The following CEP83 variants were observed in gnomAD, a reference collection of about 807,000 sequenced individuals.
CEP83 encodes the protein centrosomal protein 83.
Under a neutral mutation model 101.9 loss-of-function variants are expected in CEP83, and 70 were observed. The ratio of observed to expected loss-of-function variants is 0.69; its 90% confidence interval spans 0.57 to 0.84. The LOEUF is 0.84. Ranked by LOEUF, CEP83 falls within the 40% of genes least tolerant of loss-of-function variation. CEP83 has a pLI of 0.00. For missense variants in CEP83, 715 were observed against 787.2 expected, an observed-to-expected ratio of 0.91 and a Z score of 1.10; for synonymous variants, 264 against 267.9, an observed-to-expected ratio of 0.99 and a Z score of 0.14.
chr12:94,395,165 T>A (rs953548619), intron 6 of CEP83, among the ~76,000 whole-genome samples: 3 of 150,274 alleles, frequency 2.0e-5, no homozygotes, highest in African/African-American at 7.3e-5. Context: ...TAAAGACACA[T>A]CACACACTGG....
At chr12:94,405,461 C>A (rs975917242) in intron 4 of CEP83, among the ~76,000 whole-genome samples, 2 of 152,132 alleles carry the variant, frequency 1.3e-5, no homozygotes, top group African/African-American at 4.8e-5. Flanking sequence ...GTAGATAAAA[C>A]AAGCCTGGCT....
chr12:94,339,758 A>C (rs1446441014), intron 11 of CEP83, among the ~76,000 whole-genome samples: 1 of 152,208 alleles, frequency 6.6e-6, no homozygotes, highest in Non-Finnish European at 1.5e-5. Flanking sequence ...GCTTGTGAGC[A>C]CTGGAAATTG....
chr12:94,273,406 C>T, the CEP83 span, among the ~76,000 whole-genome samples: 1 of 152,058 alleles, frequency 6.6e-6, no homozygotes, highest in Non-Finnish European at 1.5e-5. Context: ...AAGCTTCCTG[C>T]TCACCAGTCT....
At chr12:94,405,442 G>A (rs2063480456) in intron 4 of CEP83, among the ~76,000 whole-genome samples, 1 of 152,166 alleles carries the variant, frequency 6.6e-6, no homozygotes, top group African/African-American at 2.4e-5. Flanking sequence ...AAGTGGGTGG[G>A]AGAAAGTAGT....
intron 6 of CEP83, among the ~76,000 whole-genome samples, chr12:94,379,458 T>C (rs143423433): frequency 2.0e-5 from 3 of 152,316 alleles, no homozygotes; most frequent in Admixed American, 6.5e-5. Flanking sequence ...AAATTATCTA[T>C]GTCAGGGCAA....
In CEP83 at chr12:94,362,205, C is replaced by CT. The variant is rs1339063590; in HGVS notation, c.1343+5588dup. Among the ~76,000 whole-genome samples the CT allele has an allele frequency of 8.5e-5, 13 of 152,208 alleles. No homozygotes were observed. In the East Asian group the frequency reaches 2.5e-3, roughly 29 times the overall value. On this transcript the variant is annotated intron_variant, in intron 11 of 16. Coordinates refer to ENST00000397809, the MANE Select transcript of CEP83 (RefSeq NM_016122.3). ...GATTTCATCTCACCAGCTAGAATGC[C>CT]TGTCAAAAAGACAAAACAAATGTTG...
At chr12:94,270,533 T>C in the CEP83 span, among the ~76,000 whole-genome samples, 1 of 152,158 alleles carries the variant, frequency 6.6e-6, no homozygotes. Flanking sequence ...GGAAATGCCT[T>C]GCCACTATTT....
chr12:94,369,567 C>T lies in CEP83; in HGVS notation c.1048+355G>A, dbSNP rs538537887. The T allele has an allele frequency of 2.0e-3, 328 of 162,358 alleles. 2 individuals are homozygous for T. The highest frequency in any genetic ancestry group is 7.6e-3 in the African/African-American group (317 of 41,894). The allele number at this position is 162,358 out of a possible 1,614,324, so 10.1% of individuals were successfully genotyped here. A position where few individuals can be genotyped will look rare whatever the true frequency, so the allele number is the denominator to read the frequency against. On this transcript the variant is annotated intron_variant, in intron 9 of 16. Transcript: ENST00000397809. ...TCTTTTTAATTGAAAAAAATTAAGC[C>T]TGGAACCCAATTATCTTCCTCACAT... is the stretch of plus-strand genomic sequence containing the variant.
chr12:94,418,342 C>T (rs1198164806), intron 2 of CEP83, among the ~76,000 whole-genome samples: 1 of 152,072 alleles, frequency 6.6e-6, no homozygotes, highest in Non-Finnish European at 1.5e-5. Flanking sequence ...GCCTGGGTGA[C>T]AGACTGAGAC....
chr12:94,432,694 A>T (rs965995255), intron 2 of CEP83, among the ~76,000 whole-genome samples: 1 of 152,220 alleles, frequency 6.6e-6, no homozygotes, highest in Admixed American at 6.5e-5. Flanking sequence ...AGTACAGTTA[A>T]TAATTAATTT....
the CEP83 span, among the ~76,000 whole-genome samples, chr12:94,301,211 CTG>C: frequency 6.6e-5 from 10 of 152,210 alleles, no homozygotes; most frequent in Admixed American, 2.0e-4. Flanking sequence ...TATTTAAAAT[CTG>C]TCTCATTATT....
At chr12:94,403,060 T>A in intron 5 of CEP83, 110 bp downstream of exon 5, 2 of 602,648 alleles carry the variant, frequency 3.3e-6, no homozygotes. Flanking sequence ...CTGCAATGAC[T>A]GAGTAAAAGG....
At chr12:94,366,110 T>G (rs914123900) in intron 11 of CEP83, among the ~76,000 whole-genome samples, 1 of 152,114 alleles carries the variant, frequency 6.6e-6, no homozygotes, top group African/African-American at 2.4e-5. Context: ...AAGTGGCATT[T>G]TTTTGAAGGT....
intron 6 of CEP83, among the ~76,000 whole-genome samples, chr12:94,388,090 G>T (rs1271026499): frequency 6.6e-6 from 1 of 152,174 alleles, no homozygotes; most frequent in Non-Finnish European, 1.5e-5. Flanking sequence ...TATACTGAAA[G>T]GAGAGTAAAT....
At chr12:94,374,272 G>C (rs10777590) in intron 8 of CEP83, among the ~76,000 whole-genome samples, 8 of 151,830 alleles carry the variant, frequency 5.3e-5, no homozygotes, top group Admixed American at 2.0e-4. Flanking sequence ...ATACTTGGTG[G>C]CCCCCCCAAG....
chr12:94,411,688 T>G lies in CEP83; in HGVS notation c.324+9A>C. ...TATACTAACTCAAAACTCAAATATATTTTCTCACCTGCAGTTTCATTTCTT... is the reference window on the plus strand; with the variant it reads ...TATACTAACTCAAAACTCAAATATAGTTTCTCACCTGCAGTTTCATTTCTT... On this transcript the variant is annotated intron_variant, in intron 4 of 16. Coordinates refer to ENST00000397809, the MANE Select transcript of CEP83 (RefSeq NM_016122.3). The G allele has an allele frequency of 6.3e-7, 1 of 1,586,312 alleles. No homozygotes were observed. Among genetic ancestry groups the G allele is most frequent in the Non-Finnish European group, 8.6e-7 (1 of 1,167,398 alleles).
At chr12:94,393,134 G>A (rs113121678) in intron 6 of CEP83, among the ~76,000 whole-genome samples, 1 of 152,184 alleles carries the variant, frequency 6.6e-6, no homozygotes, top group Non-Finnish European at 1.5e-5. Flanking sequence ...TATGAGGCCA[G>A]CATCATCCTG....
intron 2 of CEP83, among the ~76,000 whole-genome samples, chr12:94,433,260 T>C (rs1427182740): frequency 1.3e-5 from 2 of 152,044 alleles, no homozygotes; most frequent in Non-Finnish European, 2.9e-5. Context: ...AAGTCGTTTA[T>C]TTGCAGAGGA....
Position 94,403,253 on chromosome 12 carries a change from G to C in CEP83, c.334C>G (p.Pro112Ala). 6.9e-7 allele frequency: 1 copy of C among 1,449,448 alleles called. No homozygotes were observed. The highest frequency in any genetic ancestry group is 1.4e-5 in the African/African-American group (1 of 71,574). The allele number at this position is 1,449,448 out of a possible 1,614,324, so 89.8% of individuals were successfully genotyped here. The change falls in exon 5 of 17, where the codon CCA becomes GCA. Residue 112 changes from proline (P) to alanine (A), a missense_variant. Transcript: ENST00000397809. ...GCTCTTAGCAATTCCAATTTTTGTGGAGTTAATATCTAATATGTAGAGAAA... is the reference window on the plus strand; with the variant it reads ...GCTCTTAGCAATTCCAATTTTTGTGCAGTTAATATCTAATATGTAGAGAAA... ...LEEMKLQILTPQKLELLRAQI... is the reference protein window; with the variant it reads ...LEEMKLQILTAQKLELLRAQI...
Sources: allele counts gnomAD v4.1 joint callset (sites outside exome capture counted in the v4.1 genomes callset), GRCh38; gene constraint gnomAD v4.1.1; transcripts MANE v1.5; gene names NCBI Gene and HGNC (gene_info 2026-07-23, HGNC 2026-07-21).